Variants in SLC35E1 observed in about 807,000 individuals in gnomAD.
The protein encoded by SLC35E1 is solute carrier family 35, member E1.
In SLC35E1, 12 loss-of-function variants were observed where a neutral mutation model predicts 31.0. The observed-to-expected ratio is 0.39, with a 90% CI of 0.25 to 0.63. The LOEUF (loss-of-function observed/expected upper bound fraction) is 0.63. Ranked by LOEUF, SLC35E1 falls within the 20% of genes least tolerant of loss-of-function variation. The pLI, the probability that SLC35E1 is intolerant of heterozygous loss-of-function variation, is 0.52. For synonymous variants in SLC35E1, 257 were observed against 264.1 expected (o/e 0.97, Z 0.26); for missense variants, 429 against 572.2 (o/e 0.75, Z 2.55).
At chr19:16,556,963 G>A (rs540179832) in intron 4 of SLC35E1, 1 of 471,338 alleles carries the variant, frequency 2.1e-6, no homozygotes, top group African/African-American at 2.0e-5. Flanking sequence ...GAACCTCACT[G>A]GAGGAATAGC....
intron 4 of SLC35E1, among the ~76,000 whole-genome samples, chr19:16,564,664 A>G (rs1173641739): frequency 6.6e-6 from 1 of 152,164 alleles, no homozygotes. Context: ...AACACATAAA[A>G]GTTCACAATG....
intron 5 of SLC35E1, among the ~76,000 whole-genome samples, chr19:16,554,161 C>T (rs1487673574): frequency 6.7e-6 from 1 of 149,196 alleles, no homozygotes; most frequent in Non-Finnish European, 1.5e-5. Flanking sequence ...GCTACTCAGG[C>T]GTTCTGAGGC....
chr19:16,556,869 C>G, intron 4 of SLC35E1: 3 of 471,358 alleles, frequency 6.4e-6, no homozygotes, highest in Non-Finnish European at 1.3e-5. Context: ...CTTAGGCGAC[C>G]AGCTCAATGT....
chr19:16,568,208 A>C (rs2085941474), intron 2 of SLC35E1, 39 bp from the exon 3 acceptor site: 2 of 1,566,552 alleles, frequency 1.3e-6, no homozygotes, highest in Non-Finnish European at 8.6e-7. Context: ...CACAGGCCAG[A>C]CTAGAGCTGG....
At chr19:16,562,640 A>G (rs1193222534) in intron 4 of SLC35E1, among the ~76,000 whole-genome samples, 1 of 145,924 alleles carries the variant, frequency 6.9e-6, no homozygotes, top group African/African-American at 2.6e-5. Flanking sequence ...TTTTTCTACC[A>G]TATATTTTCA....
chr19:16,561,395 G>C (rs2085905960), intron 4 of SLC35E1, among the ~76,000 whole-genome samples: 1 of 152,022 alleles, frequency 6.6e-6, no homozygotes, highest in Non-Finnish European at 1.5e-5. Flanking sequence ...CTCATGTCCA[G>C]GCTGAAGACA....
Position 16,558,353 on chromosome 19 carries a change from T to G in SLC35E1, c.757-2956A>C, listed in dbSNP as rs368064848. On this transcript the variant is annotated intron_variant, in intron 4 of 5. Transcript: ENST00000595753. The stretch of plus-strand genomic sequence containing the variant: ...GCCACCACACCCGGCCTATTTTTTC[T>G]TGAGACGGAGTCTCACTCTGTCACC... Among the ~76,000 whole-genome samples the G allele has an allele frequency of 1.6e-4, 25 of 151,768 alleles. No homozygotes were observed. In the East Asian group the frequency reaches 4.7e-3, roughly 28 times the overall value.
chr19:16,562,525 A>C (rs2085912022), intron 4 of SLC35E1, among the ~76,000 whole-genome samples: 1 of 152,240 alleles, frequency 6.6e-6, no homozygotes, highest in Non-Finnish European at 1.5e-5. Context: ...TATACTTGAA[A>C]TCATCGCTAG....
chr19:16,569,273 T>C (rs1008788973), intron 2 of SLC35E1, among the ~76,000 whole-genome samples: 2 of 152,114 alleles, frequency 1.3e-5, no homozygotes, highest in Non-Finnish European at 1.5e-5. Context: ...TCTGCCCACC[T>C]TGGCCTCCCA....
At position 16,572,297 on chromosome 19, in the gene SLC35E1, C is replaced by T; in HGVS notation, c.68G>A (p.Gly23Glu). ...CGCCACCCGCGCGCCCTCGCGCGCC[C>T]CACCACTGCTGCTCGCTGCGCCCGG... The part of the protein sequence containing the change: ...GGPGAASSSG[G>E]AREGARVAAL... The change falls in exon 1 of 6, where the codon GGG (glycine) becomes GAG (glutamate). Residue 23 changes from glycine to glutamate, a missense_variant. Physicochemically the swap from Gly to Glu is moderately conservative, Grantham distance 98 (BLOSUM62 -2). Coordinates refer to ENST00000595753, the MANE Select transcript of SLC35E1 (RefSeq NM_024881.5). The surrounding 1 kb of genome is among the most constrained non-coding windows in gnomAD (Gnocchi z 4.1). 6.8e-7 allele frequency: 1 copy of T among 1,463,184 alleles called. No individual in the cohort carries two copies. The highest frequency in any genetic ancestry group is 9.1e-7 in the Non-Finnish European group (1 of 1,103,400). The allele number at this position is 1,463,184 out of a possible 1,614,324, so 90.6% of individuals were successfully genotyped here. A position where few individuals can be genotyped will look rare whatever the true frequency, so the allele number is the denominator to read the frequency against.
chr19:16,568,691 C>T (rs1480709146), intron 2 of SLC35E1, among the ~76,000 whole-genome samples: 1 of 152,192 alleles, frequency 6.6e-6, no homozygotes, highest in African/African-American at 2.4e-5. Context: ...CCACCACGCC[C>T]GGCCAATTTT....
intron 4 of SLC35E1, chr19:16,556,837 C>T (rs1323430468): frequency 1.5e-5 from 7 of 470,854 alleles, no homozygotes; most frequent in Non-Finnish European, 2.2e-5. Context: ...TCACACGGTC[C>T]TCTCAAATGC....
chr19:16,572,069 GA>G lies in SLC35E1; in HGVS notation c.295del (p.Ser99ProfsTer59). 6.5e-7 allele frequency: 1 copy of G among 1,539,090 alleles called. No homozygotes were observed. Among genetic ancestry groups the G allele is most frequent in the Non-Finnish European group, 8.8e-7 (1 of 1,142,522 alleles). Reference sequence around the variant, plus strand: ...GAAGCGCGGCGGCAGCAGCGGGCCGGACGACGGATGCGGACTGGGTCCGGGG... The same window carrying G: ...GAAGCGCGGCGGCAGCAGCGGGCCGGCGACGGATGCGGACTGGGTCCGGGG... Reference protein sequence around the residue: ...SGPGPSPHPSSGPLLPPRFYP... With the variant: ...SGPGPSPHPSXGPLLPPRFYP... On this transcript the variant is annotated frameshift_variant, in exon 1 of 6. Coordinates refer to ENST00000595753, the MANE Select transcript of SLC35E1 (RefSeq NM_024881.5). LOFTEE classifies it high-confidence loss of function. The surrounding 1 kb of genome is among the most constrained non-coding windows in gnomAD (Gnocchi z 4.1).
At chr19:16,570,732 C>T (rs2085953474) in intron 2 of SLC35E1, among the ~76,000 whole-genome samples, 1 of 152,146 alleles carries the variant, frequency 6.6e-6, no homozygotes, top group South Asian at 2.1e-4. Flanking sequence ...TGGATTTTGC[C>T]AAGATCGAAC....
chr19:16,567,476 C>T (rs964625951), intron 3 of SLC35E1, among the ~76,000 whole-genome samples: 4 of 152,226 alleles, frequency 2.6e-5, no homozygotes, highest in Non-Finnish European at 4.4e-5. Context: ...CACTGCACTC[C>T]AGCCTGGGCG....
chr19:16,562,349 T>C (rs2085911054), intron 4 of SLC35E1, among the ~76,000 whole-genome samples: 1 of 152,366 alleles, frequency 6.6e-6, no homozygotes, highest in East Asian at 1.9e-4. Flanking sequence ...AAGAGCTCTC[T>C]GGGACGATGA....
At chr19:16,569,366 T>TACA (rs77350119) in intron 2 of SLC35E1, among the ~76,000 whole-genome samples, 13,695 of 152,224 alleles carry the variant, frequency 0.09, 708 homozygotes, top group African/African-American at 0.12. Flanking sequence ...CCCGTTAGTG[T>TACA]ACCTTAGAGC....
At chr19:16,562,355 G>GAT (rs2085911125) in intron 4 of SLC35E1, among the ~76,000 whole-genome samples, 1 of 152,162 alleles carries the variant, frequency 6.6e-6, no homozygotes, top group Non-Finnish European at 1.5e-5. Context: ...TCTCTGGGAC[G>GAT]ATGAGATGAA....
Position 16,571,995 on chromosome 19 carries a change from C to T in SLC35E1, c.370G>A (p.Val124Met). ...PLAFGKYFAS[V>M]SAHVSIWKVP... is the part of the protein sequence containing the mutation. ...TTCCAGATGCTGACGTGCGCTGACA[C>T]GGACGCGAAGTACTTGCCGAAGGCG... The change falls in exon 1 of 6, where the codon GTG becomes ATG. Residue 124 changes from valine to methionine, a missense_variant. Coordinates refer to ENST00000595753, the MANE Select transcript of SLC35E1 (RefSeq NM_024881.5). 2 of 1,546,962 alleles carry T rather than the reference C, an allele frequency of 1.3e-6. No individual in the cohort carries two copies. Among genetic ancestry groups the T allele is most frequent in the South Asian group, 1.2e-5 (1 of 83,968 alleles).
Sources: gnomAD v4.1 joint callset for allele counts (sites outside exome capture counted in the v4.1 genomes callset) on GRCh38, gnomAD v4.1.1 for gene constraint, Gnocchi (gnomAD v3.1) non-coding constraint, MANE v1.5 for transcripts, NCBI Gene and HGNC (gene_info 2026-07-23, HGNC 2026-07-21) for gene names.